Variants in CFAP206 observed in about 807,000 individuals in gnomAD.
The protein encoded by CFAP206 is cilia- and flagella-associated protein 206.
CFAP206 carries 53 observed loss-of-function variants against 65.4 expected under a neutral mutation model. The observed-to-expected ratio is 0.81, with a 90% CI of 0.65 to 1.02. CFAP206 has a LOEUF of 1.02. Among genes scored for constraint, CFAP206 ranks in the 50% least tolerant of loss-of-function variants. The probability of loss-of-function intolerance (pLI) is 0.00; values close to 1 mark genes in which losing one functional copy is unlikely to be tolerated. For missense variants in CFAP206, 663 were observed against 753.2 expected, an observed-to-expected ratio of 0.88 and a Z score of 1.40; for synonymous variants, 250 against 254.4, an observed-to-expected ratio of 0.98 and a Z score of 0.17.
In CFAP206 at chr6:87,413,812, T is replaced by C; in HGVS notation, c.195T>C (p.Leu65=). 7 of 1,550,850 alleles carry C rather than the reference T, an allele frequency of 4.5e-6. No homozygotes were observed. The highest frequency in any genetic ancestry group is 6.1e-6 in the Non-Finnish European group (7 of 1,146,754). Residue 65 remains leucine, a splice_region_variant and synonymous_variant, in exon 4 of 13, where the codon CTT becomes CTC. Coordinates refer to ENST00000369562, the MANE Select transcript of CFAP206 (RefSeq NM_001031743.3). ...MKSDVQNLVK[L]CMTRLLDTKN... Reference sequence around the variant, plus strand: ...ATTCATGGGACATTCTTTTCTAGCTTTGTATGACTCGGCTATTGGATACTA... The same window carrying C: ...ATTCATGGGACATTCTTTTCTAGCTCTGTATGACTCGGCTATTGGATACTA...
At chr6:87,431,254 C>A in intron 10 of CFAP206, 81 bp downstream of exon 10, 2 of 1,331,086 alleles carry the variant, frequency 1.5e-6, no homozygotes, top group South Asian at 1.4e-5. Flanking sequence ...CTTGAATATT[C>A]ACTTTAAAAA....
At chr6:87,411,812 C>T (rs1309086054) in intron 3 of CFAP206, among the ~76,000 whole-genome samples, 1 of 152,168 alleles carries the variant, frequency 6.6e-6, no homozygotes, top group Non-Finnish European at 1.5e-5. Flanking sequence ...TGTCAAAGAT[C>T]ACCTGACTGC....
At chr6:87,415,209 C>T (rs1008132940) in intron 4 of CFAP206, among the ~76,000 whole-genome samples, 2 of 151,866 alleles carry the variant, frequency 1.3e-5, no homozygotes, top group South Asian at 2.1e-4. Flanking sequence ...TAAAAATACA[C>T]GTAACCGAAA....
In CFAP206 at chr6:87,423,947, T is replaced by C. The variant is rs150284533; in HGVS notation, c.841-2579T>C. 2.1e-3 allele frequency among the ~76,000 whole-genome samples: 315 copies of C among 152,348 alleles called. 3 individuals are homozygous for C. The highest frequency in any genetic ancestry group is 7.0e-3 in the African/African-American group (293 of 41,580). ...ATTATTTTTGTCATTTAAAAGAGTC[T>C]AGAAAGCATATAATTAGGCTACATA... is the stretch of plus-strand genomic sequence containing the variant. On this transcript the variant is annotated intron_variant, in intron 7 of 12. Coordinates refer to ENST00000369562, the MANE Select transcript of CFAP206 (RefSeq NM_001031743.3).
intron 11 of CFAP206, among the ~76,000 whole-genome samples, chr6:87,451,104 G>C (rs1023931789): frequency 1.3e-5 from 2 of 152,168 alleles, no homozygotes; most frequent in Admixed American, 6.5e-5. Flanking sequence ...TGATAAACTT[G>C]AAAGGCAGTC....
chr6:87,448,176 A>G (rs1201552821), intron 11 of CFAP206, among the ~76,000 whole-genome samples: 1 of 151,530 alleles, frequency 6.6e-6, no homozygotes, highest in South Asian at 2.1e-4. Flanking sequence ...TCATTATTCA[A>G]CTCCCACTTA....
intron 11 of CFAP206, among the ~76,000 whole-genome samples, chr6:87,453,978 C>G (rs1316978523): frequency 6.6e-6 from 1 of 152,088 alleles, no homozygotes; most frequent in Non-Finnish European, 1.5e-5. Context: ...ACCCAATGAT[C>G]TGTTGCCTAC....
intron 7 of CFAP206, among the ~76,000 whole-genome samples, chr6:87,419,715 T>C (rs1250480874): frequency 6.6e-6 from 1 of 152,196 alleles, no homozygotes; most frequent in Non-Finnish European, 1.5e-5. Context: ...GGTCCTTCTA[T>C]TGGATGCACT....
chr6:87,461,526 ATAT>A (rs1018513940), intron 12 of CFAP206, among the ~76,000 whole-genome samples: 2 of 151,950 alleles, frequency 1.3e-5, no homozygotes, highest in African/African-American at 4.8e-5. Context: ...CCTCAACAAC[ATAT>A]TATCTCCAGA....
chr6:87,458,517 C>CAT (rs76559579), intron 11 of CFAP206, among the ~76,000 whole-genome samples: 43,557 of 151,848 alleles, frequency 0.29, 6,362 homozygotes, highest in Admixed American at 0.38. Flanking sequence ...TTTGCAAAAA[C>CAT]GGATGGAACT....
rs200029568 is a variant in CFAP206 at position 87,409,811 on chromosome 6, A to T, written c.-5-24A>T. On this transcript the variant is annotated intron_variant, in intron 1 of 12. Coordinates refer to ENST00000369562, the MANE Select transcript of CFAP206 (RefSeq NM_001031743.3). ...ATTTGCATAAAACCACGGTTTTTTTAAAAAAAATTGTTGTTTTATTTAGCC... is the reference window on the plus strand; with the variant it reads ...ATTTGCATAAAACCACGGTTTTTTTTAAAAAAATTGTTGTTTTATTTAGCC... 1.8e-3 allele frequency: 1,408 copies of T among 771,628 alleles called. 6 individuals are homozygous for T. The African/African-American group carries it at 0.035, about 19-fold the overall frequency. The allele number at this position is 771,628 out of a possible 1,614,324, so 47.8% of individuals were successfully genotyped here.
intron 11 of CFAP206, among the ~76,000 whole-genome samples, chr6:87,450,448 GTATA>G (rs1768519976): frequency 6.7e-6 from 1 of 149,038 alleles, no homozygotes; most frequent in South Asian, 2.1e-4. Flanking sequence ...ATAAATGTGT[GTATA>G]TATTTCCTTT....
At chr6:87,446,833 T>C (rs1208686453) in intron 11 of CFAP206, among the ~76,000 whole-genome samples, 1 of 152,228 alleles carries the variant, frequency 6.6e-6, no homozygotes, top group Admixed American at 6.5e-5. Context: ...GAGAATGGAA[T>C]GTTTTTCCAT....
chr6:87,452,510 G>A (rs1400198022), intron 11 of CFAP206, among the ~76,000 whole-genome samples: 1 of 152,166 alleles, frequency 6.6e-6, no homozygotes, highest in Non-Finnish European at 1.5e-5. Flanking sequence ...CAATTCTGGA[G>A]TGACAGAGAT....
chr6:87,434,840 A>C lies in CFAP206; in HGVS notation c.1301-20A>C, dbSNP rs1260057907. The C allele has an allele frequency of 8.2e-7, 1 of 1,225,358 alleles. No homozygotes were observed. Among genetic ancestry groups the C allele is most frequent in the Non-Finnish European group, 1.1e-6 (1 of 874,408 alleles). 75.9% of individuals were successfully genotyped at this position (1,225,358 alleles called of 1,614,324 possible). On this transcript the variant is annotated intron_variant, in intron 10 of 12. Coordinates refer to ENST00000369562, the MANE Select transcript of CFAP206 (RefSeq NM_001031743.3). ...TAAGTGATCAAGACATTTCATATCT[A>C]ATTCTTTTTTTATTTTCAGGAAATC...
At position 87,418,309 on chromosome 6, in the gene CFAP206, G is replaced by A; in HGVS notation, c.733G>A (p.Glu245Lys). The A allele has an allele frequency of 1.2e-6, 2 of 1,614,106 alleles. No individual in the cohort carries two copies. The highest frequency in any genetic ancestry group is 2.2e-5 in the South Asian group (2 of 91,074). ...GGTATACCGCTACACAGCCATCCTT[G>A]AGAAGGCAGCCAACGACCCACTCAT... ...SQVYRYTAILEKAANDPLMRA... is the reference protein window; with the variant it reads ...SQVYRYTAILKKAANDPLMRA... The change falls in exon 7 of 13, where the codon GAG becomes AAG. Residue 245 changes from glutamate (E) to lysine (K), a missense_variant. Physicochemically the swap from Glu to Lys is moderately conservative, Grantham distance 56 (BLOSUM62 1). Transcript: ENST00000369562.
intron 11 of CFAP206, among the ~76,000 whole-genome samples, chr6:87,449,612 G>C (rs76258657): frequency 0.011 from 1,666 of 152,124 alleles, 37 homozygotes; most frequent in African/African-American, 0.038. Flanking sequence ...TTGGCCATTT[G>C]TATATTTTAT....
rs149711019 is a variant in CFAP206 at position 87,450,833 on chromosome 6, C to T, written c.1495-10189C>T. On this transcript the variant is annotated intron_variant, in intron 11 of 12. Transcript: ENST00000369562. ...TTTAATTGCCTATACTACCCCTCCC[C>T]GCATGCCCCAGTAGCGGCCACGTGA... Among the ~76,000 whole-genome samples, 459 of 152,260 alleles carry T rather than the reference C, an allele frequency of 3.0e-3. 2 individuals are homozygous for T. The highest frequency in any genetic ancestry group is 0.011 in the African/African-American group (443 of 41,538).
At chr6:87,419,137 T>G (rs1466782026) in intron 7 of CFAP206, among the ~76,000 whole-genome samples, 2 of 152,166 alleles carry the variant, frequency 1.3e-5, no homozygotes, top group South Asian at 2.1e-4. Flanking sequence ...TTTTTTGTTT[T>G]TTTTTTAAAT....
Sources: allele counts gnomAD v4.1 joint callset (sites outside exome capture counted in the v4.1 genomes callset), GRCh38; gene constraint gnomAD v4.1.1; transcripts MANE v1.5; gene names NCBI Gene and HGNC (gene_info 2026-07-23, HGNC 2026-07-21).